The following FARS2 variants were observed in gnomAD, a reference collection of about 807,000 sequenced individuals.
FARS2 encodes phenylalanine--tRNA ligase, mitochondrial.
In FARS2, 40 loss-of-function variants were observed where a neutral mutation model predicts 46.4. That is an observed-to-expected ratio of 0.86 (90% CI 0.67 to 1.12). The LOEUF is 1.12. Ranked by LOEUF, FARS2 falls within the 50% of genes most tolerant of loss-of-function variation. The pLI is 0.00. For missense variants in FARS2, 513 were observed against 567.9 expected (o/e 0.90, Z 0.98); for synonymous variants, 234 against 214.9 (o/e 1.09, Z -0.78).
At position 5,498,245 on chromosome 6, in the gene FARS2, T is replaced by G. The variant is rs17140596; in HGVS notation, c.905-46935T>G. Among the ~76,000 whole-genome samples, 1,202 of 152,330 alleles carry G rather than the reference T, an allele frequency of 7.9e-3. 11 individuals carry two copies. Among genetic ancestry groups the G allele is most frequent in the African/African-American group, 0.027 (1,143 of 41,564 alleles). ...ACATCCTCCTCTGATGGTAAAATAGTCAGTTCTGGATTATCTCAAAAGAGA... is the reference window on the plus strand; with the variant it reads ...ACATCCTCCTCTGATGGTAAAATAGGCAGTTCTGGATTATCTCAAAAGAGA... On this transcript the variant is annotated intron_variant, in intron 4 of 6. Transcript: ENST00000274680.
At chr6:5,650,259 CTTTTTTTT>C (rs55926813) in intron 6 of FARS2, among the ~76,000 whole-genome samples, 2 of 115,800 alleles carry the variant, frequency 1.7e-5, no homozygotes, top group Admixed American at 8.7e-5. Context: ...GGCCACATTT[CTTTTTTTT>C]TTTTTTTTTT....
Position 5,532,853 on chromosome 6 carries a change from G to GT in FARS2, c.905-12323dup, listed in dbSNP as rs148393185. ...TGTTTTAGTGTTCCTTGTAGCAGTT[G>GT]TTTTGGAAACATGCGAGTTCATTAA... On this transcript the variant is annotated intron_variant, in intron 4 of 6. Transcript: ENST00000274680. Among the ~76,000 whole-genome samples the GT allele has an allele frequency of 9.2e-3, 1,401 of 152,152 alleles. 15 individuals carry two copies. Among genetic ancestry groups the GT allele is most frequent in the African/African-American group, 0.031 (1,286 of 41,500 alleles).
intron 4 of FARS2, among the ~76,000 whole-genome samples, chr6:5,529,593 G>A (rs934032611): frequency 6.6e-6 from 1 of 152,126 alleles, no homozygotes; most frequent in African/African-American, 2.4e-5. Context: ...GGTGTCAGCC[G>A]CTGTGCCCAG....
chr6:5,456,383 TTA>T (rs1764864281), intron 4 of FARS2, among the ~76,000 whole-genome samples: 1 of 152,090 alleles, frequency 6.6e-6, no homozygotes, highest in African/African-American at 2.4e-5. Flanking sequence ...TAGTCCCAAT[TTA>T]TGAAAGGTTC....
intron 6 of FARS2, among the ~76,000 whole-genome samples, chr6:5,719,627 A>G (rs1759759150): frequency 6.6e-6 from 1 of 152,126 alleles, no homozygotes; most frequent in Non-Finnish European, 1.5e-5. Flanking sequence ...GGGGCCTCAC[A>G]CAAAGATGAG....
At chr6:5,750,545 G>A (rs1473514227) in intron 6 of FARS2, among the ~76,000 whole-genome samples, 1 of 152,166 alleles carries the variant, frequency 6.6e-6, no homozygotes, top group Admixed American at 6.5e-5. Flanking sequence ...GTGCTGGTAG[G>A]CGGGAAGAGA....
At chr6:5,265,264 G>A (rs1291279559) in intron 1 of FARS2, among the ~76,000 whole-genome samples, 1 of 152,194 alleles carries the variant, frequency 6.6e-6, no homozygotes, top group Non-Finnish European at 1.5e-5. Context: ...TGTGGTTAAA[G>A]ATTGCAGTGT....
intron 6 of FARS2, among the ~76,000 whole-genome samples, chr6:5,633,164 A>C (rs1225841085): frequency 6.9e-6 from 1 of 144,608 alleles, no homozygotes; most frequent in Admixed American, 7.1e-5. Flanking sequence ...AGATCTCACT[A>C]TGTTGCCCAG....
intron 6 of FARS2, among the ~76,000 whole-genome samples, chr6:5,700,392 C>A (rs1739452577): frequency 6.6e-6 from 1 of 151,638 alleles, no homozygotes; most frequent in Non-Finnish European, 1.5e-5. Flanking sequence ...ATATATATAT[C>A]TCAGTAGCAG....
intron 1 of FARS2, among the ~76,000 whole-genome samples, chr6:5,363,953 A>C (rs1055105252): frequency 7.9e-5 from 12 of 152,218 alleles, no homozygotes; most frequent in African/African-American, 2.9e-4. Context: ...TTTCCAAACT[A>C]TAATATAACT....
intron 6 of FARS2, among the ~76,000 whole-genome samples, chr6:5,658,033 G>C (rs1777681458): frequency 6.6e-6 from 1 of 152,174 alleles, no homozygotes; most frequent in Non-Finnish European, 1.5e-5. Flanking sequence ...GAGGTGGGCG[G>C]ATCACCTGAG....
intron 1 of FARS2, among the ~76,000 whole-genome samples, chr6:5,317,776 A>G (rs1554162323): frequency 1.3e-5 from 2 of 151,344 alleles, no homozygotes; most frequent in African/African-American, 2.4e-5. Flanking sequence ...CAAAGACCCT[A>G]TCTCAAAAAA....
At chr6:5,692,075 G>A (rs1008287145) in intron 6 of FARS2, among the ~76,000 whole-genome samples, 3 of 152,202 alleles carry the variant, frequency 2.0e-5, no homozygotes, top group Non-Finnish European at 2.9e-5. Context: ...GATTTTCCAG[G>A]TGCCATCTGT....
intron 4 of FARS2, among the ~76,000 whole-genome samples, chr6:5,484,863 G>A (rs900263593): frequency 1.3e-5 from 2 of 152,162 alleles, no homozygotes; most frequent in Non-Finnish European, 2.9e-5. Context: ...CAGGCAGACG[G>A]GGGCACAGCT....
chr6:5,520,712 T>C (rs1013529768), intron 4 of FARS2, among the ~76,000 whole-genome samples: 1 of 152,154 alleles, frequency 6.6e-6, no homozygotes, highest in Non-Finnish European at 1.5e-5. Context: ...TGAAGCCATA[T>C]TTTTCAAATT....
chr6:5,314,489 C>G (rs1375900460), intron 1 of FARS2, among the ~76,000 whole-genome samples: 1 of 152,184 alleles, frequency 6.6e-6, no homozygotes, highest in Non-Finnish European at 1.5e-5. Context: ...ACACTAGTTT[C>G]TCCTTTCAGG....
intron 1 of FARS2, among the ~76,000 whole-genome samples, chr6:5,300,695 G>C (rs1204821354): frequency 6.6e-6 from 1 of 151,844 alleles, no homozygotes; most frequent in African/African-American, 2.4e-5. Flanking sequence ...TTTTGAGACA[G>C]GGTCTTGCTC....
Position 5,341,188 on chromosome 6 carries a change from GATATATATATATATATATATAT to G in FARS2, c.-21-27335_-21-27314del, listed in dbSNP as rs869067569. ...TTTGCCTGCTCTGTGGCCATGGGGA[GATATATATATATATATATATAT>G]ATATATATATATATATATATATATA... On this transcript the variant is annotated intron_variant, in intron 1 of 6. Coordinates refer to ENST00000274680, the MANE Select transcript of FARS2 (RefSeq NM_006567.5). 2.0e-4 allele frequency among the ~76,000 whole-genome samples: 7 copies of G among 34,204 alleles called. 1 individual carries two copies. Among genetic ancestry groups the G allele is most frequent in the South Asian group, 2.6e-3 (2 of 756 alleles). 22.4% of individuals were successfully genotyped at this position (34,204 alleles called of 152,430 possible). A position where few individuals can be genotyped will look rare whatever the true frequency, so the allele number is the denominator to read the frequency against.
chr6:5,692,531 C>G (rs113910512), intron 6 of FARS2, among the ~76,000 whole-genome samples: 12 of 152,202 alleles, frequency 7.9e-5, no homozygotes, highest in African/African-American at 2.9e-4. Flanking sequence ...AAGTCATGCT[C>G]AGAACTGACT....
Sources: allele counts gnomAD v4.1 joint callset (sites outside exome capture counted in the v4.1 genomes callset), GRCh38; gene constraint gnomAD v4.1.1; transcripts MANE v1.5; gene names NCBI Gene and HGNC (gene_info 2026-07-23, HGNC 2026-07-21).